Variants in ABCB4 observed in about 807,000 individuals in gnomAD.
The protein encoded by ABCB4 is phosphatidylcholine translocator ABCB4.
Under a neutral mutation model 145.7 loss-of-function variants are expected in ABCB4, and 76 were observed. The ratio of observed to expected loss-of-function variants is 0.52; its 90% CI spans 0.43 to 0.63. ABCB4 has a LOEUF of 0.63. Among genes scored for constraint, ABCB4 ranks in the 30% least tolerant of loss-of-function variants. The probability of loss-of-function intolerance (pLI) is 0.00; values close to 1 mark genes in which losing one functional copy is unlikely to be tolerated. For synonymous variants in ABCB4, 517 were observed against 566.8 expected (o/e 0.91, Z 1.25); for missense variants, 1,234 against 1,553.1 (o/e 0.79, Z 3.45).
In ABCB4 at chr7:87,475,421, C is replaced by A. The variant is rs1004380105; in HGVS notation, c.45G>T (p.Thr15=). The A allele has an allele frequency of 1.2e-6, 2 of 1,614,230 alleles. No individual in the cohort carries two copies. The highest frequency in any genetic ancestry group is 1.7e-5 in the Admixed American group (1 of 60,036). The change falls in exon 2 of 28, where the codon ACG becomes ACT. Residue 15 remains threonine (T), a synonymous_variant. Transcript: ENST00000649586. The part of the protein sequence containing the change: ...AAKNGTAWRP[T]SAEGDFELGI... ...CCAGTTCAAAGTCGCCCTCCGCGCT[C>A]GTGGGGCGCCAGGCTGTTCCGTTCT...
intron 12 of ABCB4, 31 bp from the exon 13 acceptor site, chr7:87,440,433 T>C: frequency 1.3e-6 from 2 of 1,583,626 alleles, no homozygotes; most frequent in Non-Finnish European, 1.7e-6. Flanking sequence ...CTATTAAGTA[T>C]TTAACCATTT....
the ABCB4 span, among the ~76,000 whole-genome samples, chr7:87,388,026 A>G: frequency 1.3e-5 from 2 of 152,120 alleles, no homozygotes; most frequent in African/African-American, 2.4e-5. Context: ...TGGTGGGTCT[A>G]TTACTGGGGA....
At position 87,408,163 on chromosome 7, in the gene ABCB4, C is replaced by G; in HGVS notation, c.3153G>C (p.Val1051=). The G allele has an allele frequency of 6.2e-7, 1 of 1,614,254 alleles. No individual in the cohort carries two copies. Among genetic ancestry groups the G allele is most frequent in the African/African-American group, 1.3e-5 (1 of 75,074 alleles). ...FNYPTRANVP[V]LQGLSLEVKK... ...TCACCTCCAGGCTCAGCCCCTGAAG[C>G]ACTGGCACGTTTGCTCGGGTGGGAT... is the stretch of plus-strand genomic sequence containing the variant. Residue 1051 remains valine (V), a synonymous_variant, in exon 25 of 28, where the codon GTG becomes GTC. Coordinates refer to ENST00000649586, the MANE Select transcript of ABCB4 (RefSeq NM_000443.4).
At chr7:87,415,921 G>A (rs1199768402) in intron 21 of ABCB4, among the ~76,000 whole-genome samples, 1 of 152,144 alleles carries the variant, frequency 6.6e-6, no homozygotes, top group Non-Finnish European at 1.5e-5. Flanking sequence ...GAAAGAAGCA[G>A]GATTGAGGGG....
chr7:87,381,969 T>G, the ABCB4 span: 1 of 1,609,796 alleles, frequency 6.2e-7, no homozygotes, highest in Admixed American at 1.7e-5. Context: ...ATGAGAAAAT[T>G]TTTCAGAATG....
the ABCB4 span, chr7:87,369,228 T>C: frequency 2.0e-6 from 1 of 503,228 alleles, no homozygotes; most frequent in African/African-American, 1.9e-5. Flanking sequence ...ATTCCATTAA[T>C]ACATTATTTT....
intron 26 of ABCB4, among the ~76,000 whole-genome samples, chr7:87,403,875 G>T (rs1181332638): frequency 1.3e-5 from 2 of 152,044 alleles, no homozygotes; most frequent in Non-Finnish European, 2.9e-5. Context: ...AGACAGGGTA[G>T]AAGGAGAAAA....
chr7:87,442,852 C>A (rs1373233843), intron 12 of ABCB4, among the ~76,000 whole-genome samples: 2 of 152,112 alleles, frequency 1.3e-5, no homozygotes, highest in African/African-American at 4.8e-5. Context: ...TCTCAAGAGA[C>A]TAGTTTCTTA....
chr7:87,402,381 T>TA, intron 27 of ABCB4, 79 bp from the exon 28 acceptor site: 2 of 1,522,990 alleles, frequency 1.3e-6, no homozygotes, highest in Non-Finnish European at 1.8e-6. Context: ...TTGAAAATGT[T>TA]ACCTTTCTAA....
chr7:87,464,086 A>T (rs1160611673), intron 3 of ABCB4, among the ~76,000 whole-genome samples: 1 of 152,116 alleles, frequency 6.6e-6, no homozygotes, highest in Non-Finnish European at 1.5e-5. Context: ...TTTTGGGGAC[A>T]AAGAACAGTT....
chr7:87,470,340 A>G (rs916609498), intron 3 of ABCB4, among the ~76,000 whole-genome samples: 12 of 152,250 alleles, frequency 7.9e-5, no homozygotes, highest in Admixed American at 3.3e-4. Flanking sequence ...CACCAAAAGC[A>G]AAGGCAACAA....
chr7:87,396,820 T>G (rs1459837760), downstream of ABCB4, among the ~76,000 whole-genome samples: 1 of 152,188 alleles, frequency 6.6e-6, no homozygotes, highest in Non-Finnish European at 1.5e-5. Flanking sequence ...ATATTTACAC[T>G]GTAAATATTT....
chr7:87,443,190 G>T, intron 12 of ABCB4, 129 bp downstream of exon 12: 1 of 1,177,178 alleles, frequency 8.5e-7, no homozygotes, highest in Non-Finnish European at 1.3e-6. Flanking sequence ...ATTATCCATC[G>T]GCATTGCCAT....
At chr7:87,440,514 A>T in intron 12 of ABCB4, 112 bp from the exon 13 acceptor site, 1 of 888,408 alleles carries the variant, frequency 1.1e-6, no homozygotes, top group Non-Finnish European at 1.7e-6. Flanking sequence ...AGTGTTTAGA[A>T]ATAATAATTA....
intron 21 of ABCB4, among the ~76,000 whole-genome samples, chr7:87,416,201 T>C (rs1322405042): frequency 6.6e-6 from 1 of 152,224 alleles, no homozygotes; most frequent in African/African-American, 2.4e-5. Flanking sequence ...CAGCGGCAGC[T>C]GATGCTGATT....
chr7:87,466,791 G>A (rs918430969), intron 3 of ABCB4, among the ~76,000 whole-genome samples: 6 of 152,148 alleles, frequency 3.9e-5, no homozygotes, highest in African/African-American at 1.4e-4. Flanking sequence ...TTCACATCCA[G>A]CCAAACTAAG....
At chr7:87,444,782 C>A in intron 10 of ABCB4, 80 bp downstream of exon 10, 3 of 1,076,952 alleles carry the variant, frequency 2.8e-6, no homozygotes, top group Non-Finnish European at 4.1e-6. Context: ...GTAGTTGATT[C>A]AAAAATATGC....
chr7:87,443,656 A>T lies in ABCB4; in HGVS notation c.1230+7T>A, dbSNP rs1446423395. On this transcript the variant is annotated splice_region_variant and intron_variant, in intron 11 of 27. Coordinates refer to ENST00000649586, the MANE Select transcript of ABCB4 (RefSeq NM_000443.4). ...TTAGGAATTCCTATAAATATTACTTACAGTACCTTGACGTTAGCTCGAGAA... is the reference window on the plus strand; with the variant it reads ...TTAGGAATTCCTATAAATATTACTTTCAGTACCTTGACGTTAGCTCGAGAA... 1 of 1,607,376 alleles carries T rather than the reference A, an allele frequency of 6.2e-7. No homozygotes were observed. The highest frequency in any genetic ancestry group is 1.3e-5 in the African/African-American group (1 of 74,808).
intron 25 of ABCB4, 138 bp downstream of exon 25, chr7:87,407,899 A>C (rs1468639486): frequency 1.2e-5 from 12 of 1,039,464 alleles, no homozygotes; most frequent in Admixed American, 1.9e-5. Context: ...ATATGGTGCC[A>C]GTTGGGGTTT....
Sources: allele counts gnomAD v4.1 joint callset (sites outside exome capture counted in the v4.1 genomes callset), GRCh38; gene constraint gnomAD v4.1.1; transcripts MANE v1.5; gene names NCBI Gene and HGNC (gene_info 2026-07-23, HGNC 2026-07-21).